PRKCD: variants seen among roughly 807,000 people sequenced by gnomAD.
PRKCD encodes protein kinase C delta type.
In PRKCD, 20 loss-of-function variants were observed where a neutral mutation model predicts 82.2. The ratio of observed to expected loss-of-function variants is 0.24; its 90% CI spans 0.17 to 0.35. The LOEUF (loss-of-function observed/expected upper bound fraction) is 0.35, where lower values mean the gene tolerates loss of function less well. Ranked by LOEUF, PRKCD falls within the 10% of genes least tolerant of loss-of-function variation. The pLI, the probability that PRKCD is intolerant of heterozygous loss-of-function variation, is 1.00. For synonymous variants in PRKCD, 317 were observed against 337.0 expected, an observed-to-expected ratio of 0.94 and a Z score of 0.65; for missense variants, 607 against 899.0, an observed-to-expected ratio of 0.68 and a Z score of 4.15.
At chr3:53,165,680 G>C (rs1294606646) in intron 2 of PRKCD, among the ~76,000 whole-genome samples, 1 of 152,190 alleles carries the variant, frequency 6.6e-6, no homozygotes, top group Non-Finnish European at 1.5e-5. Context: ...GGGGTCTCCA[G>C]CTCCAGGTAC....
At position 53,169,273 on chromosome 3, in the gene PRKCD, A is replaced by T. The variant is rs1416197753; in HGVS notation, c.-20+4058A>T. On this transcript the variant is annotated intron_variant, in intron 2 of 18. Coordinates refer to ENST00000330452, the MANE Select transcript of PRKCD (RefSeq NM_006254.4). The surrounding 1 kb of genome is among the most constrained non-coding windows in gnomAD (Gnocchi z 4.7). ...TGAAGCCAGGGAGGCAGGTGGGGCC[A>T]CAAGCCTGAAGTTCAGGAGGGTCTG... Among the ~76,000 whole-genome samples the T allele has an allele frequency of 6.6e-6, 1 of 152,098 alleles. No homozygotes were observed. The highest frequency in any genetic ancestry group is 1.5e-5 in the Non-Finnish European group (1 of 68,000).
At position 53,169,014 on chromosome 3, in the gene PRKCD, T is replaced by G. The variant is rs559292014; in HGVS notation, c.-20+3799T>G. On this transcript the variant is annotated intron_variant, in intron 2 of 18. Transcript: ENST00000330452. The surrounding 1 kb of genome is among the most constrained non-coding windows in gnomAD (Gnocchi z 4.7). ...GGCCGGGGTAGAGGATGGAGAGCAG[T>G]CAGAAGACAGGTGCAGAGCCTGGGG... 2.6e-5 allele frequency among the ~76,000 whole-genome samples: 4 copies of G among 151,908 alleles called. No individual in the cohort carries two copies. The highest frequency in any genetic ancestry group is 2.6e-4 in the Admixed American group (4 of 15,266).
intron 1 of PRKCD, 138 bp downstream of exon 1, chr3:53,161,566 A>C (rs1285703453): frequency 6.6e-6 from 1 of 150,794 alleles, no homozygotes; most frequent in Non-Finnish European, 1.5e-5. Context: ...CGCCGCGCCG[A>C]GACCTGCCGG....
rs55674935 is a variant in PRKCD, at chr3:53,169,988, C to T, written c.-20+4773C>T. Among the ~76,000 whole-genome samples, 2,647 of 152,346 alleles carry T rather than the reference C, an allele frequency of 0.017. 75 individuals carry two copies. The highest frequency in any genetic ancestry group is 0.061 in the African/African-American group (2,530 of 41,568). The stretch of plus-strand genomic sequence containing the variant: ...CACCATGCGGGATGGTCCTGCCTCT[C>T]TCCCAGCTTTCTCAATATCCCCAAA... On this transcript the variant is annotated intron_variant, in intron 2 of 18. Transcript: ENST00000330452. The surrounding 1 kb of genome is among the most constrained non-coding windows in gnomAD (Gnocchi z 4.7).
rs1703964497 is a variant in PRKCD, at chr3:53,192,551, A to G, written c.*285A>G. On this transcript the variant is annotated 3_prime_UTR_variant, in exon 19 of 19. Coordinates refer to ENST00000330452, the MANE Select transcript of PRKCD (RefSeq NM_006254.4). The stretch of plus-strand genomic sequence containing the variant: ...TATATACATAGACATATATATATAT[A>G]TAATAGGCTGTATATATTGCTCAGT... The G allele has an allele frequency of 5.7e-6, 1 of 174,944 alleles. No homozygotes were observed. The highest frequency in any genetic ancestry group is 2.4e-5 in the African/African-American group (1 of 41,962). The allele number at this position is 174,944 out of a possible 1,614,324, so 10.8% of individuals were successfully genotyped here.
rs1702792163 is a variant in PRKCD, at chr3:53,165,120, CCAGGCAAGGGGG to C, written c.-109_-98del. ...TTCCTACAGGTCTGCAGGGAACTGGCCAGGCAAGGGGGCAGGCCCGTTTCTCCTGGTGGTTGG... is the reference window on the plus strand; with the variant it reads ...TTCCTACAGGTCTGCAGGGAACTGGCCAGGCCCGTTTCTCCTGGTGGTTGG... On this transcript the variant is annotated 5_prime_UTR_variant, in exon 2 of 19. Coordinates refer to ENST00000330452, the MANE Select transcript of PRKCD (RefSeq NM_006254.4). 6.6e-6 allele frequency: 1 copy of C among 152,180 alleles called. No homozygotes were observed. Among genetic ancestry groups the C allele is most frequent in the South Asian group, 2.1e-4 (1 of 4,822 alleles). 9.4% of individuals were successfully genotyped at this position (152,180 alleles called of 1,614,324 possible).
In PRKCD at chr3:53,183,140, C is replaced by T; in HGVS notation, c.591C>T (p.His197=). 1.9e-6 allele frequency: 3 copies of T among 1,614,224 alleles called. No individual in the cohort carries two copies. The highest frequency in any genetic ancestry group is 2.5e-6 in the Non-Finnish European group (3 of 1,180,032). The part of the protein sequence containing the change: ...YKCRQCNAAI[H]KKCIDKIIGR... ...TTCAAGAATGTAACGCTGCCATCCA[C>T]AAGAAATGCATCGACAAGATCATCG... Residue 197 remains histidine, a synonymous_variant, in exon 8 of 19, where the codon CAC becomes CAT. Transcript: ENST00000330452.
Position 53,192,327 on chromosome 3 carries a change from A to G in PRKCD, c.*61A>G. ...CCCACACCTGCCCGCTCCCCACGAT[A>G]AGCACCAGTGGGACTGTGGTGACTT... On this transcript the variant is annotated 3_prime_UTR_variant, in exon 19 of 19. Transcript: ENST00000330452. The G allele has an allele frequency of 5.7e-6, 9 of 1,577,508 alleles. No individual in the cohort carries two copies. The highest frequency in any genetic ancestry group is 7.8e-6 in the Non-Finnish European group (9 of 1,149,964).
At chr3:53,172,864 C>T (rs1553665215) in intron 2 of PRKCD, among the ~76,000 whole-genome samples, 1 of 152,234 alleles carries the variant, frequency 6.6e-6, no homozygotes, top group East Asian at 1.9e-4. Context: ...ACTCCTCTGA[C>T]CAACAGGCAT....
At chr3:53,167,505 G>A (rs995969305) in intron 2 of PRKCD, among the ~76,000 whole-genome samples, 2 of 152,242 alleles carry the variant, frequency 1.3e-5, no homozygotes, top group African/African-American at 4.8e-5. Flanking sequence ...GCAGCTCTAT[G>A]AATGAACCTG....
chr3:53,180,073 T>A (rs1703380163), intron 4 of PRKCD, among the ~76,000 whole-genome samples: 1 of 152,258 alleles, frequency 6.6e-6, no homozygotes. Flanking sequence ...AAGGAGCAGC[T>A]GGATGTACAG....
Position 53,183,519 on chromosome 3 carries a change from C to T in PRKCD, c.725C>T (p.Thr242Ile). 6.2e-7 allele frequency: 1 copy of T among 1,614,240 alleles called. No individual in the cohort carries two copies. Among genetic ancestry groups the T allele is most frequent in the Non-Finnish European group, 8.5e-7 (1 of 1,180,034 alleles). Residue 242 changes from threonine to isoleucine, a missense_variant, in exon 9 of 19, where the codon ACC (threonine) becomes ATC (isoleucine). By Grantham distance (89) the Thr-to-Ile change is moderately conservative. Coordinates refer to ENST00000330452, the MANE Select transcript of PRKCD (RefSeq NM_006254.4). ...AAGGTTCACAACTACATGAGCCCCACCTTCTGTGACCACTGCGGCAGCCTG... is the reference window on the plus strand; with the variant it reads ...AAGGTTCACAACTACATGAGCCCCATCTTCTGTGACCACTGCGGCAGCCTG... ...RFKVHNYMSP[T>I]FCDHCGSLLW...
At chr3:53,168,490 A>G (rs1438872556) in intron 2 of PRKCD, among the ~76,000 whole-genome samples, 27 of 152,046 alleles carry the variant, frequency 1.8e-4, no homozygotes, top group African/African-American at 6.5e-4. Context: ...GGTATCCTGA[A>G]GGCTTAGGAG....
At position 53,183,180 on chromosome 3, in the gene PRKCD, A is replaced by T. The variant is rs1252661978; in HGVS notation, c.631A>T (p.Thr211Ser). The T allele has an allele frequency of 2.4e-5, 38 of 1,614,042 alleles. No individual in the cohort carries two copies. The highest frequency in any genetic ancestry group is 3.0e-5 in the Non-Finnish European group (35 of 1,180,022). ...IDKIIGRCTGTAANSRDTIFQ... is the reference protein window; with the variant it reads ...IDKIIGRCTGSAANSRDTIFQ... Reference sequence around the variant, plus strand: ...CAAGATCATCGGCAGATGCACTGGCACCGCGGCCAACAGCCGGGACACTAT... The same window carrying T: ...CAAGATCATCGGCAGATGCACTGGCTCCGCGGCCAACAGCCGGGACACTAT... The change falls in exon 8 of 19, where the codon ACC becomes TCC. Residue 211 changes from threonine (T) to serine (S), a missense_variant. Transcript: ENST00000330452.
chr3:53,180,955 G>C (rs996948884), intron 4 of PRKCD, among the ~76,000 whole-genome samples: 8 of 152,076 alleles, frequency 5.3e-5, no homozygotes, highest in African/African-American at 1.7e-4. Flanking sequence ...CCAGCTATGT[G>C]TCTGGGCTGG....
chr3:53,184,461 A>C (rs933419221), intron 9 of PRKCD, among the ~76,000 whole-genome samples: 4 of 152,116 alleles, frequency 2.6e-5, no homozygotes, highest in Non-Finnish European at 5.9e-5. Context: ...GGATCACCTG[A>C]GGTGGGGAGT....
chr3:53,181,894 C>A, intron 7 of PRKCD, 162 bp downstream of exon 7: 2 of 1,063,780 alleles, frequency 1.9e-6, no homozygotes, highest in Non-Finnish European at 2.8e-6. Flanking sequence ...CTGGGGCTGG[C>A]TTGCTGCTGC....
At chr3:53,173,255 G>A (rs1468992503) in intron 2 of PRKCD, among the ~76,000 whole-genome samples, 2 of 152,164 alleles carry the variant, frequency 1.3e-5, no homozygotes, top group Non-Finnish European at 2.9e-5. Context: ...TCTGTGCCCG[G>A]GAGCTCCAAA....
At chr3:53,162,993 C>T (rs1702725232) in intron 1 of PRKCD, among the ~76,000 whole-genome samples, 1 of 151,870 alleles carries the variant, frequency 6.6e-6, no homozygotes, top group African/African-American at 2.4e-5. Flanking sequence ...CCTGGGGTTT[C>T]CTCGTTCCTG....
Sources: allele counts gnomAD v4.1 joint callset (sites outside exome capture counted in the v4.1 genomes callset), GRCh38; gene constraint gnomAD v4.1.1; non-coding constraint Gnocchi (gnomAD v3.1); transcripts MANE v1.5; gene names NCBI Gene and HGNC (gene_info 2026-07-23, HGNC 2026-07-21).